Variants in RBM46 observed in about 807,000 individuals in gnomAD.
The protein encoded by RBM46 is probable RNA-binding protein 46.
A neutral mutation model predicts 43.3 loss-of-function variants in RBM46; 12 were observed. The ratio of observed to expected loss-of-function variants is 0.28; its 90% confidence interval spans 0.18 to 0.45. The LOEUF is 0.45. Ranked by LOEUF, RBM46 falls within the 20% of genes least tolerant of loss-of-function variation. The pLI is 1.00. For missense variants in RBM46, 412 were observed against 639.1 expected (o/e 0.64, Z 3.83); for synonymous variants, 205 against 207.6 (o/e 0.99, Z 0.11).
At chr4:154,813,582 CCA>C (rs1244758593) in intron 4 of RBM46, among the ~76,000 whole-genome samples, 5 of 151,942 alleles carry the variant, frequency 3.3e-5, no homozygotes, top group Admixed American at 2.0e-4. Context: ...ATTATGTAAT[CCA>C]CAGTTATATC....
At chr4:154,801,124 G>A (rs1331707699) in intron 4 of RBM46, among the ~76,000 whole-genome samples, 2 of 151,872 alleles carry the variant, frequency 1.3e-5, no homozygotes, top group Non-Finnish European at 2.9e-5. Flanking sequence ...GATTACAGGC[G>A]CCCACCACCG....
At chr4:154,783,020 A>G (rs550407207) in intron 1 of RBM46, among the ~76,000 whole-genome samples, 16 of 152,314 alleles carry the variant, frequency 1.1e-4, no homozygotes, top group African/African-American at 3.4e-4. Context: ...GAATCTCCTT[A>G]TGGGGGTCTA....
chr4:154,826,732 A>AT, intron 4 of RBM46: 1 of 1,201,980 alleles, frequency 8.3e-7, no homozygotes, highest in South Asian at 1.5e-5. Flanking sequence ...ACTGATTTTC[A>AT]TTTTTCCTTT....
chr4:154,792,802 C>G (rs1734165025), intron 1 of RBM46, among the ~76,000 whole-genome samples: 1 of 152,132 alleles, frequency 6.6e-6, no homozygotes, highest in Non-Finnish European at 1.5e-5. Context: ...AATAGGTCAG[C>G]ATTGTTGTTG....
At chr4:154,818,644 C>T (rs560214099) in intron 4 of RBM46, among the ~76,000 whole-genome samples, 5 of 152,100 alleles carry the variant, frequency 3.3e-5, no homozygotes, top group South Asian at 2.1e-4. Flanking sequence ...GTAAGTTCTG[C>T]GTTATTGTGT....
Position 154,798,784 on chromosome 4 carries a change from A to T in RBM46, c.622A>T (p.Thr208Ser). 1 of 1,466,084 alleles carries T rather than the reference A, an allele frequency of 6.8e-7. No individual in the cohort carries two copies. 90.8% of individuals were successfully genotyped at this position (1,466,084 alleles called of 1,614,324 possible). ...AAATTATTATTTTTTTTTTACAGGA[A>T]CATTCCAACTATGGGGCCACACCAT... ...AMARRKLIPG[T>S]FQLWGHTIQV... The change falls in exon 4 of 5, where the codon ACA (threonine) becomes TCA (serine). Residue 208 changes from threonine to serine, a missense_variant and splice_region_variant. By Grantham distance (58) the Thr-to-Ser change is moderately conservative. Transcript: ENST00000281722.
At chr4:154,786,118 G>A (rs1733750843) in intron 1 of RBM46, among the ~76,000 whole-genome samples, 1 of 152,122 alleles carries the variant, frequency 6.6e-6, no homozygotes, top group East Asian at 1.9e-4. Context: ...ATGGAGCCTC[G>A]TTTTCTCCCC....
intron 4 of RBM46, among the ~76,000 whole-genome samples, chr4:154,807,253 A>T (rs1031163969): frequency 6.6e-6 from 1 of 151,714 alleles, no homozygotes; most frequent in Non-Finnish European, 1.5e-5. Context: ...ATTTTGCCAC[A>T]TGATGTCCCT....
intron 1 of RBM46, among the ~76,000 whole-genome samples, chr4:154,787,593 T>C (rs1305779470): frequency 6.6e-6 from 1 of 152,082 alleles, no homozygotes; most frequent in African/African-American, 2.4e-5. Context: ...TTGATGGACA[T>C]TGGGGTTGGT....
intron 4 of RBM46, among the ~76,000 whole-genome samples, chr4:154,817,409 T>C (rs1735504219): frequency 1.3e-5 from 2 of 150,342 alleles, no homozygotes; most frequent in Non-Finnish European, 3.0e-5. Flanking sequence ...CTCGGCTCAC[T>C]GCAACCTCCG....
intron 4 of RBM46, among the ~76,000 whole-genome samples, chr4:154,814,426 C>G (rs1735327911): frequency 6.6e-6 from 1 of 151,998 alleles, no homozygotes; most frequent in African/African-American, 2.4e-5. Flanking sequence ...CAGTAAGTAG[C>G]AACCTTGCAT....
At chr4:154,794,810 C>G (rs1734270810) in intron 1 of RBM46, among the ~76,000 whole-genome samples, 1 of 152,100 alleles carries the variant, frequency 6.6e-6, no homozygotes, top group Non-Finnish European at 1.5e-5. Context: ...AGGTTCTCTT[C>G]CCTTGTCAAC....
chr4:154,814,480 T>G (rs918072689), intron 4 of RBM46, among the ~76,000 whole-genome samples: 1 of 152,044 alleles, frequency 6.6e-6, no homozygotes, highest in African/African-American at 2.4e-5. Context: ...TTGCTTTTGT[T>G]GTGAGAATGA....
At position 154,797,842 on chromosome 4, in the gene RBM46, T is replaced by C; in HGVS notation, c.183T>C (p.Cys61=). 1 of 1,557,952 alleles carries C rather than the reference T, an allele frequency of 6.4e-7. No individual in the cohort carries two copies. The highest frequency in any genetic ancestry group is 8.6e-7 in the Non-Finnish European group (1 of 1,156,356). The change falls in exon 3 of 5, where the codon TGT becomes TGC. Residue 61 remains cysteine (C), a synonymous_variant. Coordinates refer to ENST00000281722, the MANE Select transcript of RBM46 (RefSeq NM_144979.5). ...AAGGTCCACCTCCACCTAGAGGCTG[T>C]GAAGTTTTTGTAGGAAAAATACCTC... ...GWEGPPPPRG[C]EVFVGKIPRD...
chr4:154,788,421 C>A (rs1431099441), intron 1 of RBM46, among the ~76,000 whole-genome samples: 4 of 152,020 alleles, frequency 2.6e-5, no homozygotes, highest in African/African-American at 9.7e-5. Context: ...CCAGTTTTCC[C>A]AGCACCATTT....
Position 154,827,856 on chromosome 4 carries a change from A to G in RBM46, c.1403-12A>G. 6.2e-7 allele frequency: 1 copy of G among 1,613,190 alleles called. No individual in the cohort carries two copies. The highest frequency in any genetic ancestry group is 8.5e-7 in the Non-Finnish European group (1 of 1,179,204). On this transcript the variant is annotated splice_polypyrimidine_tract_variant and intron_variant, in intron 4 of 4. Transcript: ENST00000281722. ...AGATGTACAGCATAATTGTTCATGT[A>G]TTTATTTACAGACTACAATTTCCAT...
intron 1 of RBM46, among the ~76,000 whole-genome samples, chr4:154,784,141 C>T (rs1359128376): frequency 2.0e-5 from 3 of 152,126 alleles, no homozygotes; most frequent in East Asian, 1.9e-4. Context: ...TATAAAGGCA[C>T]GCTTTGATAT....
At chr4:154,796,629 A>C in intron 1 of RBM46, 113 bp from the exon 2 acceptor site, 2 of 696,544 alleles carry the variant, frequency 2.9e-6, no homozygotes. Context: ...AGTGAAGGCT[A>C]ATCAAACATG....
chr4:154,781,861 C>G (rs1044794027), intron 1 of RBM46: 1 of 152,340 alleles, frequency 6.6e-6, no homozygotes, highest in African/African-American at 2.4e-5. Context: ...GCCCGGGCCG[C>G]TGCCTGGCCG....
Sources: allele counts gnomAD v4.1 joint callset (sites outside exome capture counted in the v4.1 genomes callset), GRCh38; gene constraint gnomAD v4.1.1; transcripts MANE v1.5; gene names NCBI Gene and HGNC (gene_info 2026-07-23, HGNC 2026-07-21).